Variants in ULK4 observed in about 807,000 individuals in gnomAD.
ULK4 encodes the protein unc-51 like kinase 4.
In ULK4, 133 loss-of-function variants were observed where a neutral mutation model predicts 160.6. The ratio of observed to expected loss-of-function variants is 0.83; its 90% CI spans 0.72 to 0.96. The LOEUF (loss-of-function observed/expected upper bound fraction) is 0.96. Ranked by LOEUF, ULK4 falls within the 40% of genes least tolerant of loss-of-function variation. The pLI is 0.00. For synonymous variants in ULK4, 534 were observed against 539.8 expected (o/e 0.99, Z 0.15); for missense variants, 1,580 against 1,499.5 (o/e 1.05, Z -0.89).
At chr3:41,903,552 C>A (rs372001227) in intron 12 of ULK4, among the ~76,000 whole-genome samples, 21 of 150,572 alleles carry the variant, frequency 1.4e-4, no homozygotes, top group East Asian at 7.9e-4. Flanking sequence ...CCGCTGCACT[C>A]CAGTCTGGGC....
At chr3:41,808,450 A>C (rs2040719077) in intron 19 of ULK4, among the ~76,000 whole-genome samples, 1 of 152,196 alleles carries the variant, frequency 6.6e-6, no homozygotes, top group African/African-American at 2.4e-5. Context: ...CTCCTACCTG[A>C]AATAAGTGAC....
chr3:41,464,402 A>G (rs2083773957), intron 32 of ULK4, among the ~76,000 whole-genome samples: 1 of 152,298 alleles, frequency 6.6e-6, no homozygotes, highest in Middle Eastern at 3.4e-3. Context: ...GCTTATAAAA[A>G]CAAAAACAAA....
chr3:41,472,562 GT>G (rs1272159379), intron 32 of ULK4, among the ~76,000 whole-genome samples: 1 of 145,054 alleles, frequency 6.9e-6, no homozygotes, highest in African/African-American at 2.6e-5. Flanking sequence ...GAGTGGGACT[GT>G]CAAAAAAAAG....
At chr3:41,570,302 C>T (rs548040052) in intron 31 of ULK4, among the ~76,000 whole-genome samples, 7 of 152,204 alleles carry the variant, frequency 4.6e-5, no homozygotes, top group South Asian at 2.1e-4. Context: ...TTGCAGTGAA[C>T]GTTAATGTTT....
At chr3:41,421,362 C>G (rs1459647571) in intron 34 of ULK4, among the ~76,000 whole-genome samples, 1 of 152,158 alleles carries the variant, frequency 6.6e-6, no homozygotes, top group African/African-American at 2.4e-5. Context: ...TAGTGGCATT[C>G]TTCTCTTGCA....
intron 18 of ULK4, among the ~76,000 whole-genome samples, chr3:41,820,239 T>C (rs909582040): frequency 2.0e-5 from 3 of 152,148 alleles, no homozygotes; most frequent in South Asian, 2.1e-4. Context: ...TCAGCTACTA[T>C]GAAAAATAGT....
chr3:41,931,333 G>T (rs1699591114), intron 5 of ULK4, among the ~76,000 whole-genome samples: 1 of 152,016 alleles, frequency 6.6e-6, no homozygotes, highest in South Asian at 2.1e-4. Context: ...GCCTGTCAGG[G>T]GGTAGGGGTC....
At chr3:41,421,101 A>C (rs778808348) in intron 34 of ULK4, among the ~76,000 whole-genome samples, 2 of 147,352 alleles carry the variant, frequency 1.4e-5, no homozygotes, top group Non-Finnish European at 3.0e-5. Flanking sequence ...GAAACAAATA[A>C]GTGAGACCCC....
intron 4 of ULK4, among the ~76,000 whole-genome samples, chr3:41,935,017 ATT>A (rs10635589): frequency 1.7e-3 from 197 of 112,884 alleles, no homozygotes; most frequent in African/African-American, 5.6e-3. Flanking sequence ...TTATTTATTA[ATT>A]TTTTTTTTTT....
chr3:41,907,852 A>G lies in ULK4; in HGVS notation c.1175T>C (p.Leu392Pro). Residue 392 changes from leucine (L) to proline (P), a missense_variant, in exon 12 of 37, where the codon CTG becomes CCG. Leu to Pro is a moderately conservative substitution (Grantham distance 98, BLOSUM62 -3). Coordinates refer to ENST00000301831, the MANE Select transcript of ULK4 (RefSeq NM_017886.4). The stretch of plus-strand genomic sequence containing the variant: ...TTTCCCAAGTCTGCTCACCTTGGTC[A>G]GAGGAGAAGTCTTCTGTGGTGAACA... Reference protein sequence around the residue: ...THCSPQKTSPLTKITSGHLSQ... With the variant: ...THCSPQKTSPPTKITSGHLSQ... The G allele has an allele frequency of 6.3e-7, 1 of 1,579,264 alleles. No homozygotes were observed. Among genetic ancestry groups the G allele is most frequent in the Non-Finnish European group, 8.6e-7 (1 of 1,165,116 alleles).
intron 32 of ULK4, among the ~76,000 whole-genome samples, chr3:41,543,104 G>T (rs1435213560): frequency 1.3e-5 from 2 of 152,102 alleles, no homozygotes; most frequent in African/African-American, 4.8e-5. Context: ...AGAACAAAGA[G>T]AACTTGCCCA....
At chr3:41,875,050 T>G (rs1697249448) in intron 17 of ULK4, among the ~76,000 whole-genome samples, 1 of 152,124 alleles carries the variant, frequency 6.6e-6, no homozygotes, top group African/African-American at 2.4e-5. Flanking sequence ...CATGGTGATG[T>G]GTACCTGTAG....
At chr3:41,542,397 GC>G (rs1281465844) in intron 32 of ULK4, among the ~76,000 whole-genome samples, 5 of 152,180 alleles carry the variant, frequency 3.3e-5, no homozygotes, top group East Asian at 1.9e-4. Context: ...TGTTCGATAA[GC>G]TTTTTGATGT....
intron 32 of ULK4, among the ~76,000 whole-genome samples, chr3:41,485,917 A>G (rs1236364473): frequency 6.6e-6 from 1 of 152,234 alleles, no homozygotes; most frequent in Admixed American, 6.5e-5. Flanking sequence ...AGGAAAATAA[A>G]TAAGGAAACC....
intron 36 of ULK4, 143 bp downstream of exon 36, chr3:41,249,346 G>C: frequency 1.4e-6 from 1 of 731,290 alleles, no homozygotes; most frequent in East Asian, 2.9e-5. Flanking sequence ...TCCCACACTG[G>C]GAAGGATCTC....
At chr3:41,581,933 T>C (rs999189906) in intron 31 of ULK4, among the ~76,000 whole-genome samples, 3 of 152,100 alleles carry the variant, frequency 2.0e-5, no homozygotes, top group African/African-American at 4.8e-5. Flanking sequence ...TTGAGTGAAA[T>C]GGGAAGTGAC....
intron 17 of ULK4, among the ~76,000 whole-genome samples, chr3:41,870,831 A>T (rs1197783497): frequency 6.6e-6 from 1 of 152,112 alleles, no homozygotes; most frequent in African/African-American, 2.4e-5. Context: ...AACCACTGTG[A>T]TATAGTTTGG....
At chr3:41,710,595 A>C (rs1489561921) in intron 25 of ULK4, among the ~76,000 whole-genome samples, 1 of 152,036 alleles carries the variant, frequency 6.6e-6, no homozygotes, top group Non-Finnish European at 1.5e-5. Context: ...GGAGTTTGAG[A>C]CCAGCATGGC....
intron 35 of ULK4, among the ~76,000 whole-genome samples, chr3:41,311,730 G>A (rs530286595): frequency 1.8e-4 from 27 of 151,300 alleles, no homozygotes; most frequent in African/African-American, 6.1e-4. Context: ...CACTAGGCTC[G>A]GCTAATTTTT....
Sources: gnomAD v4.1 joint callset for allele counts (sites outside exome capture counted in the v4.1 genomes callset) on GRCh38, gnomAD v4.1.1 for gene constraint, MANE v1.5 for transcripts, NCBI Gene and HGNC (gene_info 2026-07-23, HGNC 2026-07-21) for gene names.